Variants in CAPN8 observed in about 807,000 individuals in gnomAD.
The protein encoded by CAPN8 is calpain-8.
CAPN8 carries 87 observed loss-of-function variants against 80.9 expected under a neutral mutation model. The observed-to-expected ratio is 1.07, with a 90% CI of 0.90 to 1.28. The LOEUF is 1.28. Among genes scored for constraint, CAPN8 ranks in the 50% most tolerant of loss-of-function variants. CAPN8 has a pLI of 0.00. For missense variants in CAPN8, 757 were observed against 702.0 expected (o/e 1.08, Z -0.89); for synonymous variants, 299 against 273.8 (o/e 1.09, Z -0.91).
intron 6 of CAPN8, among the ~76,000 whole-genome samples, 153 bp downstream of exon 6, chr1:223,625,652 T>C (rs1183217709): frequency 6.6e-6 from 1 of 152,182 alleles, no homozygotes; most frequent in Non-Finnish European, 1.5e-5. Flanking sequence ...TCAGGGGTTC[T>C]GTACAGGCAG....
chr1:223,665,266 TAAAA>T, intron 1 of CAPN8, 140 bp downstream of exon 1: 1 of 661,670 alleles, frequency 1.5e-6, no homozygotes, highest in Non-Finnish European at 2.5e-6. Flanking sequence ...AAAATAAAAT[TAAAA>T]AAGGTGGTGG....
At chr1:223,662,418 C>A (rs1197245061) in intron 1 of CAPN8, among the ~76,000 whole-genome samples, 1 of 151,670 alleles carries the variant, frequency 6.6e-6, no homozygotes, top group Non-Finnish European at 1.5e-5. Context: ...CACTGCACTC[C>A]AGCCTGGGCA....
Position 223,557,007 on chromosome 1 carries a change from G to C in CAPN8, c.1572+1124C>G, listed in dbSNP as rs899692341. 2.0e-4 allele frequency among the ~76,000 whole-genome samples: 30 copies of C among 152,136 alleles called. 1 individual carries two copies. Among genetic ancestry groups the C allele is most frequent in the East Asian group, 1.2e-3 (6 of 5,196 alleles). ...CACAAGCACAGAAAGGGCCTCTGGC[G>C]CCAGGTATTGCCACCAACTCGAGGC... On this transcript the variant is annotated intron_variant, in intron 13 of 20. Coordinates refer to ENST00000366872, the MANE Select transcript of CAPN8 (RefSeq NM_001143962.2).
chr1:223,632,092 A>T (rs1404304877), intron 2 of CAPN8, among the ~76,000 whole-genome samples: 1 of 152,066 alleles, frequency 6.6e-6, no homozygotes, highest in Non-Finnish European at 1.5e-5. Context: ...CTCTTCATCT[A>T]CCTCACTCCT....
intron 5 of CAPN8, among the ~76,000 whole-genome samples, chr1:223,626,474 ACAGGACCTCAGGGCTGGGGGCCTC>A (rs1332546061): frequency 6.6e-6 from 1 of 152,168 alleles, no homozygotes; most frequent in Non-Finnish European, 1.5e-5. Context: ...CGAGGTGGTG[ACAGGACCTCAGGGCTGGGGGCCTC>A]CAGCCTCTGT....
chr1:223,657,749 G>A (rs894108217), intron 1 of CAPN8, among the ~76,000 whole-genome samples: 4 of 152,168 alleles, frequency 2.6e-5, no homozygotes, highest in Non-Finnish European at 5.9e-5. Context: ...CTGGGCAACA[G>A]AGTGAGACTC....
intron 2 of CAPN8, among the ~76,000 whole-genome samples, chr1:223,649,028 T>C (rs1162120471): frequency 2.6e-5 from 4 of 152,200 alleles, no homozygotes; most frequent in Non-Finnish European, 5.9e-5. Flanking sequence ...CATGTGTTAT[T>C]CAAAAAGCAC....
intron 2 of CAPN8, among the ~76,000 whole-genome samples, chr1:223,645,650 C>T (rs889051776): frequency 4.6e-5 from 7 of 152,164 alleles, no homozygotes; most frequent in African/African-American, 1.7e-4. Context: ...CCAGATGCAA[C>T]TGGGAAAGGA....
At chr1:223,618,281 C>A in intron 9 of CAPN8, 2 of 1,550,520 alleles carry the variant, frequency 1.3e-6, no homozygotes, top group Non-Finnish European at 1.7e-6. Context: ...CTAGGAGGAG[C>A]CTACACAGGG....
chr1:223,558,271 C>T (rs928573249), intron 12 of CAPN8, 104 bp from the exon 13 acceptor site: 3 of 396,562 alleles, frequency 7.6e-6, no homozygotes, highest in Non-Finnish European at 1.3e-5. Context: ...AGATTGGGCT[C>T]GCACCCCAGA....
chr1:223,542,724 T>A (rs1656502050), intron 20 of CAPN8, among the ~76,000 whole-genome samples: 3 of 152,182 alleles, frequency 2.0e-5, no homozygotes. Flanking sequence ...TCATTTTGCA[T>A]CTTCATTCTA....
intron 16 of CAPN8, 192 bp from the exon 17 acceptor site, chr1:223,545,491 C>T (rs1422283695): frequency 2.3e-6 from 2 of 862,420 alleles, no homozygotes; most frequent in East Asian, 2.7e-5. Flanking sequence ...CACCAAGGCT[C>T]TCCTCTGAGG....
intron 2 of CAPN8, among the ~76,000 whole-genome samples, chr1:223,641,995 C>A (rs553721937): frequency 2.0e-5 from 3 of 152,216 alleles, no homozygotes; most frequent in Non-Finnish European, 4.4e-5. Flanking sequence ...CGTGGGCCCA[C>A]CTCCTACTGT....
At chr1:223,648,052 C>T (rs564040183) in intron 2 of CAPN8, among the ~76,000 whole-genome samples, 1 of 152,178 alleles carries the variant, frequency 6.6e-6, no homozygotes, top group Admixed American at 6.5e-5. Context: ...TGAAATAATG[C>T]GCAATATGCA....
chr1:223,665,358 T>G, intron 1 of CAPN8, 52 bp downstream of exon 1: 1 of 1,435,496 alleles, frequency 7.0e-7, no homozygotes, highest in East Asian at 2.5e-5. Flanking sequence ...CCTGATCAGA[T>G]GTAAGGCCCC....
intron 15 of CAPN8, 139 bp downstream of exon 15, chr1:223,550,821 G>A: frequency 1.7e-6 from 1 of 575,920 alleles, no homozygotes; most frequent in Non-Finnish European, 3.1e-6. Flanking sequence ...TTGCTGGACT[G>A]AATCAGGGCT....
At chr1:223,615,473 C>T (rs1657141319) in intron 10 of CAPN8, among the ~76,000 whole-genome samples, 1 of 152,128 alleles carries the variant, frequency 6.6e-6, no homozygotes, top group Non-Finnish European at 1.5e-5. Context: ...TCAGAGACAC[C>T]AGAACTGAAA....
intron 10 of CAPN8, among the ~76,000 whole-genome samples, chr1:223,614,479 T>C (rs143078519): frequency 6.6e-6 from 1 of 152,034 alleles, no homozygotes; most frequent in East Asian, 1.9e-4. Context: ...CTATTGACTC[T>C]CCAAAACCAT....
At chr1:223,546,865 G>C (rs1219118309) in intron 16 of CAPN8, among the ~76,000 whole-genome samples, 1 of 151,150 alleles carries the variant, frequency 6.6e-6, no homozygotes. Context: ...CCAGGAATCA[G>C]GGGTTTTTGT....
Sources: gnomAD v4.1 joint callset for allele counts (sites outside exome capture counted in the v4.1 genomes callset) on GRCh38, gnomAD v4.1.1 for gene constraint, MANE v1.5 for transcripts, NCBI Gene and HGNC (gene_info 2026-07-23, HGNC 2026-07-21) for gene names.